The following CFDP1 variants were observed in gnomAD, a reference collection of about 807,000 sequenced individuals.
The protein encoded by CFDP1 is chromatin remodeling protein CFDP1.
In CFDP1, 31 loss-of-function variants were observed where a neutral mutation model predicts 40.1. The ratio of observed to expected loss-of-function variants is 0.77; its 90% CI spans 0.58 to 1.04. CFDP1 has a LOEUF of 1.04. CFDP1 is among the 50% of genes least tolerant of loss of function. The probability of loss-of-function intolerance (pLI) is 0.00; values close to 1 mark genes in which losing one functional copy is unlikely to be tolerated. For missense variants in CFDP1, 423 were observed against 343.4 expected, an observed-to-expected ratio of 1.23 and a Z score of -1.83; for synonymous variants, 167 against 120.0, an observed-to-expected ratio of 1.39 and a Z score of -2.56.
At chr16:75,433,060 G>T (rs550683730) in intron 1 of CFDP1, among the ~76,000 whole-genome samples, 1 of 152,354 alleles carries the variant, frequency 6.6e-6, no homozygotes, top group South Asian at 2.1e-4. Flanking sequence ...CGCTGCAAGA[G>T]GGGGCGGCGG....
At chr16:75,361,696 A>G (rs2078680403) in intron 5 of CFDP1, among the ~76,000 whole-genome samples, 1 of 152,152 alleles carries the variant, frequency 6.6e-6, no homozygotes, top group Non-Finnish European at 1.5e-5. Context: ...AGAATTAAAA[A>G]AAGTTTTTTT....
At chr16:75,418,180 G>C (rs2079229952) in intron 1 of CFDP1, among the ~76,000 whole-genome samples, 2 of 148,086 alleles carry the variant, frequency 1.4e-5, no homozygotes, top group African/African-American at 4.9e-5. Flanking sequence ...TTGAACCTGG[G>C]GGGCGGAGGT....
intron 4 of CFDP1, among the ~76,000 whole-genome samples, chr16:75,403,849 G>T (rs1376162227): frequency 6.6e-6 from 1 of 151,892 alleles, no homozygotes; most frequent in Non-Finnish European, 1.5e-5. Flanking sequence ...ATTATTTATG[G>T]GGCCAGGCAT....
At chr16:75,433,045 T>A (rs1205162127) in intron 1 of CFDP1, among the ~76,000 whole-genome samples, 2 of 152,184 alleles carry the variant, frequency 1.3e-5, no homozygotes, top group Middle Eastern at 3.2e-3. Flanking sequence ...ATGTGCCGGT[T>A]CCCGCGCTGC....
At chr16:75,316,204 C>T (rs1387136004) in intron 5 of CFDP1, among the ~76,000 whole-genome samples, 1 of 152,162 alleles carries the variant, frequency 6.6e-6, no homozygotes, top group African/African-American at 2.4e-5. Flanking sequence ...CAAGCGTGAT[C>T]CCTTGGGTAA....
chr16:75,379,720 T>C (rs964004683), intron 5 of CFDP1: 1 of 152,166 alleles, frequency 6.6e-6, no homozygotes, highest in African/African-American at 2.4e-5. Flanking sequence ...AGTTGTAATA[T>C]TATAAGATGG....
intron 4 of CFDP1, among the ~76,000 whole-genome samples, chr16:75,405,366 G>A (rs746009749): frequency 1.4e-4 from 22 of 152,092 alleles, no homozygotes; most frequent in Non-Finnish European, 2.5e-4. Flanking sequence ...GATGACTCAT[G>A]TCTGTAATCC....
chr16:75,298,701 T>TC (rs1387953785), intron 6 of CFDP1, among the ~76,000 whole-genome samples: 4 of 151,918 alleles, frequency 2.6e-5, no homozygotes, highest in South Asian at 2.1e-4. Flanking sequence ...ATAGTACACC[T>TC]CCCGCCTTCA....
At chr16:75,317,168 C>A (rs986755734) in intron 5 of CFDP1, among the ~76,000 whole-genome samples, 1 of 152,162 alleles carries the variant, frequency 6.6e-6, no homozygotes, top group Admixed American at 6.5e-5. Context: ...CTTCTCAAGG[C>A]CTGGTGCCTG....
At chr16:75,410,636 C>T (rs1160394616) in intron 4 of CFDP1, among the ~76,000 whole-genome samples, 4 of 151,610 alleles carry the variant, frequency 2.6e-5, no homozygotes, top group African/African-American at 7.3e-5. Flanking sequence ...AGTCCAGGCA[C>T]GGTGGATCAC....
At chr16:75,322,035 A>G (rs1409677379) in intron 5 of CFDP1, 1 of 152,198 alleles carries the variant, frequency 6.6e-6, no homozygotes, top group Non-Finnish European at 1.5e-5. Flanking sequence ...CGTGTTAGCC[A>G]GGATGGTCTC....
At position 75,401,072 on chromosome 16, in the gene CFDP1, G is replaced by T. The variant is rs1230946897; in HGVS notation, c.531-5863C>A. Among the ~76,000 whole-genome samples, 3 of 152,260 alleles carry T rather than the reference G, an allele frequency of 2.0e-5. No homozygotes were observed. In the East Asian group the frequency reaches 5.8e-4, roughly 29 times the overall value. On this transcript the variant is annotated intron_variant, in intron 4 of 6. Coordinates refer to ENST00000283882, the MANE Select transcript of CFDP1 (RefSeq NM_006324.3). The stretch of plus-strand genomic sequence containing the variant: ...GCACTTTGGGAGGCCGAGGTGGGCA[G>T]ATAGTGAGGTCAGGAGTTCCAGACC...
intron 5 of CFDP1, among the ~76,000 whole-genome samples, chr16:75,315,092 A>T (rs750594557): frequency 2.0e-5 from 3 of 152,120 alleles, no homozygotes; most frequent in Non-Finnish European, 2.9e-5. Flanking sequence ...TCCTGGATTC[A>T]CAAAAGCATC....
chr16:75,310,490 T>C (rs942228793), intron 5 of CFDP1, among the ~76,000 whole-genome samples: 1 of 152,218 alleles, frequency 6.6e-6, no homozygotes, highest in African/African-American at 2.4e-5. Context: ...TTTATAATGA[T>C]AATTTTCTAG....
chr16:75,398,459 CAA>C (rs1441973945), intron 4 of CFDP1, among the ~76,000 whole-genome samples: 1 of 152,116 alleles, frequency 6.6e-6, no homozygotes, highest in East Asian at 1.9e-4. Context: ...TGTCTCAACT[CAA>C]AGAGTTCTGT....
rs1485971283 is a variant in CFDP1 at position 75,433,279 on chromosome 16, A to G, written c.64+10T>C. On this transcript the variant is annotated intron_variant, in intron 1 of 6. Transcript: ENST00000283882. The stretch of plus-strand genomic sequence containing the variant: ...GCAATTCGCTTCTCGCCTCAGGCGG[A>G]ATCGCTCACCCGACGGCACGTAGTC... 1 of 1,594,936 alleles carries G rather than the reference A, an allele frequency of 6.3e-7. No individual in the cohort carries two copies. Among genetic ancestry groups the G allele is most frequent in the Admixed American group, 1.7e-5 (1 of 58,730 alleles).
chr16:75,396,814 C>T (rs1299572917), intron 4 of CFDP1, among the ~76,000 whole-genome samples: 1 of 151,578 alleles, frequency 6.6e-6, no homozygotes, highest in Admixed American at 6.6e-5. Context: ...TCCAGGTTAA[C>T]AAAAACACCT....
At chr16:75,410,473 G>A (rs1032522523) in intron 4 of CFDP1, among the ~76,000 whole-genome samples, 1 of 152,092 alleles carries the variant, frequency 6.6e-6, no homozygotes, top group Admixed American at 6.6e-5. Flanking sequence ...ATATTATTAA[G>A]CTAAGAAAAT....
chr16:75,340,350 G>A (rs2078518354), intron 5 of CFDP1, among the ~76,000 whole-genome samples: 1 of 152,192 alleles, frequency 6.6e-6, no homozygotes, highest in Admixed American at 6.5e-5. Context: ...ATTTAAAGGA[G>A]ACTGTTATTT....
Sources: gnomAD v4.1 joint callset for allele counts (sites outside exome capture counted in the v4.1 genomes callset) on GRCh38, gnomAD v4.1.1 for gene constraint, MANE v1.5 for transcripts, NCBI Gene and HGNC (gene_info 2026-07-23, HGNC 2026-07-21) for gene names.